Variants in GRID1 observed in about 807,000 individuals in gnomAD.
GRID1 encodes the protein glutamate receptor ionotropic, delta-1.
Under a neutral mutation model 98.0 loss-of-function variants are expected in GRID1, and 28 were observed. The observed-to-expected ratio is 0.29, with a 90% confidence interval of 0.21 to 0.39. The LOEUF is 0.39. Ranked by LOEUF, GRID1 falls within the 10% of genes least tolerant of loss-of-function variation. The probability of loss-of-function intolerance (pLI) is 1.00; values close to 1 mark genes in which losing one functional copy is unlikely to be tolerated. For missense variants in GRID1, 1,111 were observed against 1,340.5 expected (o/e 0.83, Z 2.67); for synonymous variants, 553 against 538.5 (o/e 1.03, Z -0.37).
intron 4 of GRID1, among the ~76,000 whole-genome samples, chr10:86,041,643 G>C (rs1427047578): frequency 2.6e-5 from 4 of 152,260 alleles, no homozygotes; most frequent in African/African-American, 9.6e-5. Flanking sequence ...AGATAACCCA[G>C]GACAGGTCCC....
At chr10:85,653,868 C>CTA (rs1840861059) in intron 12 of GRID1, among the ~76,000 whole-genome samples, 1 of 152,138 alleles carries the variant, frequency 6.6e-6, no homozygotes, top group Non-Finnish European at 1.5e-5. Context: ...AGCTGCTAGA[C>CTA]CTTGGACTTC....
chr10:86,143,394 C>G (rs896205564), intron 3 of GRID1, among the ~76,000 whole-genome samples: 3 of 152,156 alleles, frequency 2.0e-5, no homozygotes, highest in Admixed American at 1.3e-4. Flanking sequence ...CCCATCCCCC[C>G]AAAAAACCTG....
At chr10:86,048,417 C>G (rs556541038) in intron 4 of GRID1, among the ~76,000 whole-genome samples, 1 of 152,292 alleles carries the variant, frequency 6.6e-6, no homozygotes, top group Admixed American at 6.5e-5. Context: ...AGAAGAGGCA[C>G]CAAAACTCCA....
intron 2 of GRID1, among the ~76,000 whole-genome samples, chr10:86,281,608 T>C (rs1396933787): frequency 1.3e-5 from 2 of 152,186 alleles, no homozygotes; most frequent in African/African-American, 4.8e-5. Context: ...AGGAGAGCCA[T>C]GCCCAACAGT....
chr10:85,770,634 A>G (rs936738280), intron 8 of GRID1, among the ~76,000 whole-genome samples: 2 of 152,168 alleles, frequency 1.3e-5, no homozygotes, highest in South Asian at 2.1e-4. Context: ...GCTTAAAGGA[A>G]CTGATGGAGC....
intron 5 of GRID1, among the ~76,000 whole-genome samples, chr10:85,877,045 A>C (rs1589284011): frequency 6.6e-6 from 1 of 152,340 alleles, no homozygotes; most frequent in East Asian, 1.9e-4. Flanking sequence ...GGCGGCAGTA[A>C]GGCTGGGGGA....
At chr10:86,276,676 G>C (rs1462288712) in intron 2 of GRID1, among the ~76,000 whole-genome samples, 1 of 151,966 alleles carries the variant, frequency 6.6e-6, no homozygotes, top group Non-Finnish European at 1.5e-5. Flanking sequence ...TTTTAGTAGA[G>C]ACGGGGTTTC....
At chr10:86,029,276 T>C (rs1843154971) in intron 4 of GRID1, among the ~76,000 whole-genome samples, 1 of 152,222 alleles carries the variant, frequency 6.6e-6, no homozygotes, top group African/African-American at 2.4e-5. Context: ...TGTCCTTGAC[T>C]CTTCTCTGAA....
chr10:86,021,327 G>A (rs1448773661), intron 4 of GRID1, among the ~76,000 whole-genome samples: 14 of 152,114 alleles, frequency 9.2e-5, no homozygotes, highest in Admixed American at 9.2e-4. Flanking sequence ...ATACTATAAT[G>A]TGCTCAACAA....
intron 2 of GRID1, among the ~76,000 whole-genome samples, chr10:86,243,669 G>C (rs1846673216): frequency 6.6e-6 from 1 of 152,214 alleles, no homozygotes; most frequent in South Asian, 2.1e-4. Context: ...GTCTGAGTGA[G>C]GGATTGCTGC....
chr10:86,332,575 C>G (rs189310091), intron 2 of GRID1, among the ~76,000 whole-genome samples: 48 of 152,234 alleles, frequency 3.2e-4, no homozygotes, highest in Admixed American at 7.2e-4. Context: ...GCCAAACTCC[C>G]ACTTGAACTC....
intron 4 of GRID1, among the ~76,000 whole-genome samples, chr10:85,990,349 C>A (rs998119843): frequency 1.3e-5 from 2 of 152,108 alleles, no homozygotes; most frequent in African/African-American, 4.8e-5. Flanking sequence ...TTATCAGTGG[C>A]CTAACAGATG....
At position 86,280,880 on chromosome 10, in the gene GRID1, C is replaced by G. The variant is rs371886352; in HGVS notation, c.236-74232G>C. ...CCTTTTATAGCTCATTCTCCAGCCT[C>G]GATTACTCTTCCTTCTGCTCACATC... On this transcript the variant is annotated intron_variant, in intron 2 of 15. Transcript: ENST00000327946. Among the ~76,000 whole-genome samples, 22 of 152,316 alleles carry G rather than the reference C, an allele frequency of 1.4e-4. No homozygotes were observed. In the East Asian group the frequency reaches 1.7e-3, roughly 12 times the overall value.
chr10:85,686,636 A>C (rs1161836239), intron 12 of GRID1, among the ~76,000 whole-genome samples: 1 of 152,184 alleles, frequency 6.6e-6, no homozygotes, highest in Non-Finnish European at 1.5e-5. Context: ...TTCTGAAGAT[A>C]TTAAAAGTAA....
chr10:85,870,747 G>C (rs775277972), intron 5 of GRID1, among the ~76,000 whole-genome samples: 26 of 152,152 alleles, frequency 1.7e-4, no homozygotes, highest in East Asian at 1.9e-4. Flanking sequence ...GGGAGGGACA[G>C]AGCAACTGGT....
chr10:86,000,539 T>C (rs10887543), intron 4 of GRID1, among the ~76,000 whole-genome samples: 10,068 of 152,256 alleles, frequency 0.066, 493 homozygotes, highest in Non-Finnish European at 0.1. Context: ...TAAGTTATGG[T>C]AATCAAAACA....
intron 12 of GRID1, among the ~76,000 whole-genome samples, chr10:85,659,354 G>A (rs1840938677): frequency 6.6e-6 from 1 of 152,214 alleles, no homozygotes; most frequent in African/African-American, 2.4e-5. Context: ...TTAAAATAGA[G>A]GAGTGGTTGT....
intron 4 of GRID1, among the ~76,000 whole-genome samples, chr10:86,080,934 C>T (rs1843969264): frequency 6.6e-6 from 1 of 152,128 alleles, no homozygotes; most frequent in Admixed American, 6.5e-5. Context: ...CACTTCCAAC[C>T]TGCTCTGAGT....
rs564820317 is a variant in GRID1 at position 86,152,086 on chromosome 10, T to C, written c.521-13062A>G. 2.0e-4 allele frequency among the ~76,000 whole-genome samples: 31 copies of C among 152,120 alleles called. No homozygotes were observed. In the South Asian group the frequency reaches 5.8e-3, roughly 29 times the overall value. On this transcript the variant is annotated intron_variant, in intron 3 of 15. Coordinates refer to ENST00000327946, the MANE Select transcript of GRID1 (RefSeq NM_017551.3). ...ACAGCAGGGAGTGCACGAGAAGGGG[T>C]TTGTTTCTCCAGACAGAGGGAAGGT...
Sources: allele counts gnomAD v4.1 joint callset (sites outside exome capture counted in the v4.1 genomes callset), GRCh38; gene constraint gnomAD v4.1.1; transcripts MANE v1.5; gene names NCBI Gene and HGNC (gene_info 2026-07-23, HGNC 2026-07-21).